TMEM74: variants seen among roughly 807,000 people sequenced by gnomAD.
The protein encoded by TMEM74 is transmembrane protein 74.
A neutral mutation model predicts 18.1 loss-of-function variants in TMEM74; 13 were observed. That is an observed-to-expected ratio of 0.72 (90% CI 0.47 to 1.14). The LOEUF is 1.14. Among genes scored for constraint, TMEM74 ranks in the 50% most tolerant of loss-of-function variants. TMEM74 has a pLI of 0.00. For missense variants in TMEM74, 372 were observed against 375.9 expected (o/e 0.99, Z 0.09); for synonymous variants, 159 against 146.6 (o/e 1.08, Z -0.61).
chr8:108,768,635 T>G (rs1814136707), intron 1 of TMEM74, among the ~76,000 whole-genome samples: 2 of 152,164 alleles, frequency 1.3e-5, no homozygotes, highest in African/African-American at 4.8e-5. Flanking sequence ...AGCACAACTC[T>G]CTTCAATTCC....
chr8:108,782,135 G>T lies in TMEM74; in HGVS notation c.*2046C>A, dbSNP rs1342327470. Reference sequence around the variant, plus strand: ...ACAGCTCAGACCTACTCACTCAGCAGATCGTTTCCTTCTTGTTTCAACATC... The same window carrying T: ...ACAGCTCAGACCTACTCACTCAGCATATCGTTTCCTTCTTGTTTCAACATC... On this transcript the variant is annotated 3_prime_UTR_variant, in exon 2 of 2. Transcript: ENST00000297459. 2.0e-5 allele frequency among the ~76,000 whole-genome samples: 3 copies of T among 152,110 alleles called. No individual in the cohort carries two copies. The highest frequency in any genetic ancestry group is 7.2e-5 in the African/African-American group (3 of 41,470).
chr8:108,634,405 T>C (rs372430248), intron 2 of TMEM74, among the ~76,000 whole-genome samples: 47 of 152,084 alleles, frequency 3.1e-4, no homozygotes, highest in African/African-American at 1.0e-3. Context: ...TATTTCCCCC[T>C]ATAAATTACT....
chr8:108,678,773 T>C (rs1005364179), intron 1 of TMEM74, among the ~76,000 whole-genome samples: 4 of 150,890 alleles, frequency 2.7e-5, no homozygotes, highest in East Asian at 1.9e-4. Context: ...ATACTTTAAG[T>C]TTTAGGGTAC....
chr8:108,751,746 A>T (rs1412084917), intron 1 of TMEM74, among the ~76,000 whole-genome samples: 1 of 149,840 alleles, frequency 6.7e-6, no homozygotes, highest in African/African-American at 2.4e-5. Context: ...AAACAAACCT[A>T]CCTAGACTAA....
intron 1 of TMEM74, among the ~76,000 whole-genome samples, chr8:108,733,189 C>G (rs1342451993): frequency 6.6e-6 from 1 of 152,114 alleles, no homozygotes; most frequent in Non-Finnish European, 1.5e-5. Flanking sequence ...ACTATAGAAG[C>G]TTTGTTCTAG....
chr8:108,750,621 C>T (rs1813895857), intron 1 of TMEM74, among the ~76,000 whole-genome samples: 1 of 152,102 alleles, frequency 6.6e-6, no homozygotes, highest in Non-Finnish European at 1.5e-5. Context: ...GGAGAAGAAA[C>T]TTCCTGGGCA....
chr8:108,691,647 T>C (rs1813232022), intron 1 of TMEM74, among the ~76,000 whole-genome samples: 2 of 152,226 alleles, frequency 1.3e-5, no homozygotes, highest in South Asian at 2.1e-4. Context: ...TTAGGAAGCA[T>C]AATAAACAGG....
chr8:108,741,598 G>A (rs1813801367), intron 1 of TMEM74, among the ~76,000 whole-genome samples: 1 of 152,116 alleles, frequency 6.6e-6, no homozygotes, highest in Admixed American at 6.6e-5. Flanking sequence ...ATTACAAGAT[G>A]TAGAATGATG....
rs188636821 is a variant in TMEM74, at chr8:108,675,886, A to G, written n.120-20449T>C. Among the ~76,000 whole-genome samples, 107 of 152,360 alleles carry G rather than the reference A, an allele frequency of 7.0e-4. No homozygotes were observed. In the Middle Eastern group the frequency reaches 0.017, roughly 24 times the overall value. On this transcript the variant is annotated intron_variant and non_coding_transcript_variant, in intron 1 of 3. Coordinates refer to the TMEM74 transcript ENST00000518838. Reference sequence around the variant, plus strand: ...AATAGGCAGGACCATGTAATATTGAAGATAGTTTAGTATAGAAAATTAAGA... The same window carrying G: ...AATAGGCAGGACCATGTAATATTGAGGATAGTTTAGTATAGAAAATTAAGA...
At chr8:108,652,314 C>T (rs113669226) in intron 2 of TMEM74, 1,731 of 165,400 alleles carry the variant, frequency 0.01, 40 homozygotes, top group African/African-American at 0.038. Context: ...CGGAAAAATA[C>T]TGAAGATACA....
At chr8:108,649,572 G>T (rs1339636004) in intron 2 of TMEM74, among the ~76,000 whole-genome samples, 1 of 152,068 alleles carries the variant, frequency 6.6e-6, no homozygotes, top group African/African-American at 2.4e-5. Context: ...TATTAGGTCG[G>T]TGCAAAAGTA....
chr8:108,755,057 TG>T (rs1813943608), intron 1 of TMEM74, among the ~76,000 whole-genome samples: 1 of 151,996 alleles, frequency 6.6e-6, no homozygotes, highest in African/African-American at 2.4e-5. Flanking sequence ...CCAGAAATAA[TG>T]TTTAGCCAAA....
intron 1 of TMEM74, among the ~76,000 whole-genome samples, chr8:108,663,259 T>A (rs938081677): frequency 2.0e-5 from 3 of 152,080 alleles, no homozygotes; most frequent in African/African-American, 7.2e-5. Flanking sequence ...TACAAGTAAC[T>A]TAAACAAATT....
chr8:108,610,254 G>A (rs369601175), intron 2 of TMEM74, among the ~76,000 whole-genome samples: 6 of 152,112 alleles, frequency 3.9e-5, no homozygotes, highest in Non-Finnish European at 7.4e-5. Context: ...ATCCTTCCCC[G>A]AGATGGGGGG....
In TMEM74 at chr8:108,681,202, T is replaced by A. The variant is rs1813111025; in HGVS notation, n.120-25765A>T. On this transcript the variant is annotated intron_variant and non_coding_transcript_variant, in intron 1 of 3. Transcript: ENST00000518838. ...ATATGGAACCAAAAAAGAGCCCGCA[T>A]CGCCAAGTCAATCCTAAGCCAAAAG... 2.6e-5 allele frequency among the ~76,000 whole-genome samples: 4 copies of A among 152,128 alleles called. No individual in the cohort carries two copies. In the South Asian group the frequency reaches 8.3e-4, roughly 32 times the overall value.
At chr8:108,628,941 A>T (rs1812523120) in intron 2 of TMEM74, among the ~76,000 whole-genome samples, 1 of 152,000 alleles carries the variant, frequency 6.6e-6, no homozygotes, top group South Asian at 2.1e-4. Context: ...TTCTTTTGAA[A>T]AGTGTCTGTT....
At chr8:108,617,841 AG>A (rs1464389613) in intron 2 of TMEM74, among the ~76,000 whole-genome samples, 3 of 152,188 alleles carry the variant, frequency 2.0e-5, no homozygotes, top group African/African-American at 7.2e-5. Context: ...TTTCAAGAAA[AG>A]TTTACCAGTG....
rs554707749 is a variant in TMEM74 at position 108,787,527 on chromosome 8, C to G, written c.-91G>C. 2.6e-5 allele frequency: 4 copies of G among 152,430 alleles called. No homozygotes were observed. In the East Asian group the frequency reaches 7.8e-4, roughly 30 times the overall value. The allele number at this position is 152,430 out of a possible 1,614,324, so 9.4% of individuals were successfully genotyped here. On this transcript the variant is annotated 5_prime_UTR_variant, in exon 1 of 2. Coordinates refer to ENST00000297459, the MANE Select transcript of TMEM74 (RefSeq NM_153015.3). ...TCCAGCACCGCGCGCTCTCCCGGCA[C>G]GGTTCCCGGAGAAAGTCCCCCAATC...
chr8:108,751,748 C>T (rs1013502324), intron 1 of TMEM74, among the ~76,000 whole-genome samples: 1 of 152,046 alleles, frequency 6.6e-6, no homozygotes, highest in East Asian at 1.9e-4. Flanking sequence ...ACAAACCTAC[C>T]TAGACTAAAG....
Sources: allele counts gnomAD v4.1 joint callset (sites outside exome capture counted in the v4.1 genomes callset), GRCh38; gene constraint gnomAD v4.1.1; transcripts MANE v1.5; gene names NCBI Gene and HGNC (gene_info 2026-07-23, HGNC 2026-07-21).